The following ACOX3 variants were observed in gnomAD, a reference collection of about 807,000 sequenced individuals.
The protein encoded by ACOX3 is peroxisomal acyl-coenzyme A oxidase 3.
A neutral mutation model predicts 81.5 loss-of-function variants in ACOX3; 73 were observed. The observed-to-expected ratio is 0.90, with a 90% CI of 0.74 to 1.09. The LOEUF (loss-of-function observed/expected upper bound fraction) is 1.09. Among genes scored for constraint, ACOX3 ranks in the 50% least tolerant of loss-of-function variants. The pLI is 0.00. For missense variants in ACOX3, 947 were observed against 928.0 expected, an observed-to-expected ratio of 1.02 and a Z score of -0.27; for synonymous variants, 387 against 375.1, an observed-to-expected ratio of 1.03 and a Z score of -0.37.
At chr4:8,395,857 A>G (rs1719637435) in intron 9 of ACOX3, among the ~76,000 whole-genome samples, 1 of 152,234 alleles carries the variant, frequency 6.6e-6, no homozygotes, top group Non-Finnish European at 1.5e-5. Flanking sequence ...TTCTGTTACA[A>G]TTTCCTGGAA....
the ACOX3 span, chr4:8,357,661 C>T: frequency 0.069 from 19,363 of 279,840 alleles, 2,213 homozygotes; most frequent in African/African-American, 0.3. Flanking sequence ...ATGTAGTTTC[C>T]AGAATGTCAT....
chr4:8,419,597 C>T lies in ACOX3; in HGVS notation c.-14-3062G>A, dbSNP rs1217642135. Among the ~76,000 whole-genome samples, 2 of 152,162 alleles carry T rather than the reference C, an allele frequency of 1.3e-5. No individual in the cohort carries two copies. The highest frequency in any genetic ancestry group is 2.9e-5 in the Non-Finnish European group (2 of 68,028). ...CCACAAGTGATTAAACATGGAGTGACCACATGACTCAGCAATTCCACTCTG... is the reference window on the plus strand; with the variant it reads ...CCACAAGTGATTAAACATGGAGTGATCACATGACTCAGCAATTCCACTCTG... On this transcript the variant is annotated intron_variant, in intron 1 of 17. Transcript: ENST00000356406. The surrounding 1 kb of genome is among the most constrained non-coding windows in gnomAD (Gnocchi z 4.2).
chr4:8,377,632 G>A (rs180767193), intron 14 of ACOX3, among the ~76,000 whole-genome samples: 34 of 152,306 alleles, frequency 2.2e-4, no homozygotes, highest in African/African-American at 3.6e-4. Context: ...ATGATACTGC[G>A]CTGTTCTTCC....
chr4:8,409,986 G>A (rs924002376), intron 6 of ACOX3, among the ~76,000 whole-genome samples: 8 of 151,142 alleles, frequency 5.3e-5, no homozygotes, highest in Admixed American at 1.3e-4. Context: ...ACTGTGGACG[G>A]GGCTATCTGC....
chr4:8,397,152 C>A (rs1309927620), intron 8 of ACOX3, 33 bp from the exon 9 acceptor site: 5 of 1,508,716 alleles, frequency 3.3e-6, no homozygotes, highest in Non-Finnish European at 4.4e-6. Context: ...AAGCTCAAGC[C>A]CGGCTGCGCG....
At chr4:8,359,792 TTCTC>T in the ACOX3 span, among the ~76,000 whole-genome samples, 1 of 152,210 alleles carries the variant, frequency 6.6e-6, no homozygotes, top group South Asian at 2.1e-4. This position sits in a 1 kb window ranked among gnomAD's most constrained non-coding sequence, Gnocchi z 6.0. Flanking sequence ...GGCAATGCTT[TTCTC>T]TCTCTGTGCA....
downstream of ACOX3, among the ~76,000 whole-genome samples, chr4:8,364,272 C>T (rs1380930892): frequency 6.6e-6 from 1 of 152,230 alleles, no homozygotes; most frequent in Admixed American, 6.5e-5. The surrounding 1 kb of genome is among the most constrained non-coding windows in gnomAD (Gnocchi z 5.0). Context: ...CAGCTATTCT[C>T]AGGACCTCCC....
chr4:8,382,446 G>T lies in ACOX3; in HGVS notation c.1538-839C>A, dbSNP rs970924100. On this transcript the variant is annotated intron_variant, in intron 13 of 17. Coordinates refer to ENST00000356406, the MANE Select transcript of ACOX3 (RefSeq NM_003501.3). This position sits in a 1 kb window ranked among gnomAD's most constrained non-coding sequence, Gnocchi z 4.1. Reference sequence around the variant, plus strand: ...AGGGACCCAGGTACATGGCGAGCATGTGAGGGAGGGGTGCAGACCACCCAC... The same window carrying T: ...AGGGACCCAGGTACATGGCGAGCATTTGAGGGAGGGGTGCAGACCACCCAC... 2.0e-5 allele frequency among the ~76,000 whole-genome samples: 3 copies of T among 152,206 alleles called. No homozygotes were observed. Among genetic ancestry groups the T allele is most frequent in the African/African-American group, 7.2e-5 (3 of 41,460 alleles).
At chr4:8,365,991 G>C (rs1238414982), downstream of ACOX3, among the ~76,000 whole-genome samples, 1 of 152,180 alleles carries the variant, frequency 6.6e-6, no homozygotes, top group African/African-American at 2.4e-5. Flanking sequence ...GGGTCAGGGG[G>C]CACCAGAGTG....
At position 8,414,350 on chromosome 4, in the gene ACOX3, C is replaced by T. The variant is rs1318838494; in HGVS notation, c.485G>A (p.Ser162Asn). 4.3e-6 allele frequency: 7 copies of T among 1,614,132 alleles called. No homozygotes were observed. The Admixed American group carries it at 5.0e-5, about 12-fold the overall frequency. The change falls in exon 5 of 18, where the codon AGC (serine) becomes AAC (asparagine). Residue 162 changes from serine to asparagine, a missense_variant. Coordinates refer to ENST00000356406, the MANE Select transcript of ACOX3 (RefSeq NM_003501.3). The surrounding 1 kb of genome is among the most constrained non-coding windows in gnomAD (Gnocchi z 6.1). Reference protein sequence around the residue: ...IFGCFALTELSHGSNTKAIRT... With the variant: ...IFGCFALTELNHGSNTKAIRT... ...AATGGCCTTGGTATTACTGCCGTGG[C>T]TTAATTCGGTCAGAGCAAAACATCC...
rs944914213 is a variant in ACOX3 at position 8,431,906 on chromosome 4, C to T, written c.-15+8742G>A. ...TAAAGCTAAAGTTGCCTCCCACCCT[C>T]CGGTCATTTGTCTCCATTTATCCCT... On this transcript the variant is annotated intron_variant, in intron 1 of 17. Transcript: ENST00000356406. The surrounding 1 kb of genome is among the most constrained non-coding windows in gnomAD (Gnocchi z 5.3). Among the ~76,000 whole-genome samples, 1 of 152,270 alleles carries T rather than the reference C, an allele frequency of 6.6e-6. No homozygotes were observed. Among genetic ancestry groups the T allele is most frequent in the Admixed American group, 6.5e-5 (1 of 15,290 alleles).
At chr4:8,433,524 A>G (rs1196345332) in intron 1 of ACOX3, among the ~76,000 whole-genome samples, 2 of 152,240 alleles carry the variant, frequency 1.3e-5, no homozygotes, top group Admixed American at 6.5e-5. Context: ...GTAATTTGTT[A>G]TGGAAGCCCT....
chr4:8,370,785 G>C lies in ACOX3; in HGVS notation c.1983+123C>G. 1.2e-6 allele frequency: 1 copy of C among 809,146 alleles called. No individual in the cohort carries two copies. The highest frequency in any genetic ancestry group is 2.0e-6 in the Non-Finnish European group (1 of 502,768). The allele number at this position is 809,146 out of a possible 1,614,324, so 50.1% of individuals were successfully genotyped here. ...ACTTGTCCCGGGCCCTCCCCAAGAA[G>C]CTCCTCCATGTGTGACCACTTTCCA... On this transcript the variant is annotated intron_variant, in intron 17 of 17. Transcript: ENST00000356406. The surrounding 1 kb of genome is among the most constrained non-coding windows in gnomAD (Gnocchi z 6.3).
intron 7 of ACOX3, among the ~76,000 whole-genome samples, chr4:8,403,944 C>T (rs537244951): frequency 3.9e-5 from 6 of 152,180 alleles, no homozygotes; most frequent in Non-Finnish European, 7.4e-5. Flanking sequence ...TCGGGCCTTA[C>T]GTGCACACAT....
Position 8,407,193 on chromosome 4 carries a change from G to T in ACOX3, c.688-1150C>A, listed in dbSNP as rs1318979521. Among the ~76,000 whole-genome samples the T allele has an allele frequency of 6.6e-6, 1 of 152,150 alleles. No homozygotes were observed. Among genetic ancestry groups the T allele is most frequent in the Non-Finnish European group, 1.5e-5 (1 of 68,022 alleles). On this transcript the variant is annotated intron_variant, in intron 6 of 17. Transcript: ENST00000356406. This position sits in a 1 kb window ranked among gnomAD's most constrained non-coding sequence, Gnocchi z 4.6. ...TCCCCTCAGCTCCTATCTCTGTATG[G>T]CCTGGTTTTTCCTAGGTTATGATTA...
Position 8,424,649 on chromosome 4 carries a change from A to T in ACOX3, c.-14-8114T>A, listed in dbSNP as rs552723466. Among the ~76,000 whole-genome samples, 5 of 152,368 alleles carry T rather than the reference A, an allele frequency of 3.3e-5. No homozygotes were observed. In the South Asian group the frequency reaches 1.0e-3, roughly 32 times the overall value. On this transcript the variant is annotated intron_variant, in intron 1 of 17. Transcript: ENST00000356406. ...CTGTCAGACAACCGTTTGCTTAAATATCAGGCTCTATTACTTGAAGGGCCA... is the reference window on the plus strand; with the variant it reads ...CTGTCAGACAACCGTTTGCTTAAATTTCAGGCTCTATTACTTGAAGGGCCA...
chr4:8,374,879 C>T, intron 15 of ACOX3, 99 bp downstream of exon 15: 1 of 1,326,558 alleles, frequency 7.5e-7, no homozygotes, highest in South Asian at 1.6e-5. Context: ...TCAGTGAGTC[C>T]CGTGGAAGGA....
At chr4:8,415,017 A>G (rs1299380559) in intron 3 of ACOX3, 89 bp from the exon 4 acceptor site, 3 of 1,191,726 alleles carry the variant, frequency 2.5e-6, no homozygotes, top group African/African-American at 1.5e-5. Context: ...GGCACTCAAC[A>G]CCATGCCCAC....
Position 8,370,493 on chromosome 4 carries a change from C to CA in ACOX3, c.1983+414dup, listed in dbSNP as rs938317994. Among the ~76,000 whole-genome samples the CA allele has an allele frequency of 6.8e-6, 1 of 147,194 alleles. No individual in the cohort carries two copies. The highest frequency in any genetic ancestry group is 2.6e-5 in the African/African-American group (1 of 38,926). On this transcript the variant is annotated intron_variant, in intron 17 of 17. Transcript: ENST00000356406. The surrounding 1 kb of genome is among the most constrained non-coding windows in gnomAD (Gnocchi z 6.3). ...GACAACCATGGATGGTCAGAGGGGA[C>CA]AGAGGGGCCTGGGGATTCCAGGACA...
Sources: allele counts gnomAD v4.1 joint callset (sites outside exome capture counted in the v4.1 genomes callset), GRCh38; gene constraint gnomAD v4.1.1; non-coding constraint Gnocchi (gnomAD v3.1); transcripts MANE v1.5; gene names NCBI Gene and HGNC (gene_info 2026-07-23, HGNC 2026-07-21).